PIP4K2A: variants seen among roughly 807,000 people sequenced by gnomAD.
PIP4K2A encodes the protein phosphatidylinositol-5-phosphate 4-kinase type 2 alpha, also known as phosphatidylinositol 5-phosphate 4-kinase type-2 alpha.
PIP4K2A carries 14 observed loss-of-function variants against 42.9 expected under a neutral mutation model. The ratio of observed to expected loss-of-function variants is 0.33; its 90% CI spans 0.22 to 0.51. PIP4K2A has a LOEUF of 0.51. Among genes scored for constraint, PIP4K2A ranks in the 20% least tolerant of loss-of-function variants. The pLI is 0.97. For synonymous variants in PIP4K2A, 192 were observed against 192.2 expected, an observed-to-expected ratio of 1.00 and a Z score of 0.01; for missense variants, 434 against 519.8, an observed-to-expected ratio of 0.83 and a Z score of 1.61.
intron 1 of PIP4K2A, among the ~76,000 whole-genome samples, chr10:22,698,645 A>C (rs1159349294): frequency 6.6e-6 from 1 of 152,222 alleles, no homozygotes; most frequent in African/African-American, 2.4e-5. Flanking sequence ...AACCACAATT[A>C]CTTTTGCACC....
At chr10:22,681,693 A>G (rs1460747116) in intron 1 of PIP4K2A, among the ~76,000 whole-genome samples, 1 of 152,046 alleles carries the variant, frequency 6.6e-6, no homozygotes, top group Admixed American at 6.5e-5. Context: ...AATAAAATAA[A>G]TAAAATTAAA....
intron 3 of PIP4K2A, among the ~76,000 whole-genome samples, chr10:22,596,539 A>AC (rs1311716599): frequency 6.6e-6 from 1 of 152,240 alleles, no homozygotes; most frequent in Non-Finnish European, 1.5e-5. Flanking sequence ...CTATCTACTG[A>AC]CACTGAATAA....
In PIP4K2A at chr10:22,622,253, G is replaced by A. The variant is rs188551322; in HGVS notation, c.145-12536C>T. On this transcript the variant is annotated intron_variant, in intron 1 of 9. Transcript: ENST00000376573. ...TGTGCCGGTGGCCACTCAATGCCAT[G>A]TGCTCCCAGATGCTGAGGGGCTCCA... Among the ~76,000 whole-genome samples, 8 of 152,338 alleles carry A rather than the reference G, an allele frequency of 5.3e-5. No homozygotes were observed. In the East Asian group the frequency reaches 1.5e-3, roughly 29 times the overall value.
chr10:22,688,201 A>T (rs1839798780), intron 1 of PIP4K2A, among the ~76,000 whole-genome samples: 1 of 152,192 alleles, frequency 6.6e-6, no homozygotes, highest in African/African-American at 2.4e-5. Flanking sequence ...TAAAGAAGAA[A>T]ATTTTCTGAA....
chr10:22,536,196 T>C lies in PIP4K2A; in HGVS notation c.*1005A>G, dbSNP rs1032627796. The C allele has an allele frequency of 5.0e-6, 2 of 398,338 alleles. No individual in the cohort carries two copies. The highest frequency in any genetic ancestry group is 4.1e-5 in the African/African-American group (2 of 48,634). 24.7% of individuals were successfully genotyped at this position (398,338 alleles called of 1,614,324 possible). On this transcript the variant is annotated 3_prime_UTR_variant, in exon 10 of 10. Transcript: ENST00000376573. ...AAACATAAACATCTTATAATTCAGA[T>C]CTGCATTTGGTAACAGGAGAATTGA... is the stretch of plus-strand genomic sequence containing the variant.
intron 1 of PIP4K2A, among the ~76,000 whole-genome samples, chr10:22,666,692 G>A (rs1286353638): frequency 6.6e-6 from 1 of 152,036 alleles, no homozygotes; most frequent in Non-Finnish European, 1.5e-5. Context: ...ACTGTTTCCG[G>A]CACCTACATT....
chr10:22,629,363 A>G (rs1778320), intron 1 of PIP4K2A, among the ~76,000 whole-genome samples: 4,231 of 152,312 alleles, frequency 0.028, 80 homozygotes, highest in Non-Finnish European at 0.039. Flanking sequence ...TATGATTCTA[A>G]GACAACTGCA....
chr10:22,714,340 G>T lies in PIP4K2A; in HGVS notation c.-14C>A. Reference sequence around the variant, plus strand: ...GGGGGTCGCCATGGCCGCCTCCTATGTCCCCTCCACCGCCGTGCTCCCGAG... The same window carrying T: ...GGGGGTCGCCATGGCCGCCTCCTATTTCCCCTCCACCGCCGTGCTCCCGAG... On this transcript the variant is annotated 5_prime_UTR_variant, in exon 1 of 10. Transcript: ENST00000376573. The T allele has an allele frequency of 1.3e-6, 2 of 1,586,354 alleles. No homozygotes were observed. The highest frequency in any genetic ancestry group is 8.6e-7 in the Non-Finnish European group (1 of 1,166,308).
At chr10:22,565,346 C>T (rs1320909755) in intron 6 of PIP4K2A, among the ~76,000 whole-genome samples, 2 of 152,214 alleles carry the variant, frequency 1.3e-5, no homozygotes, top group African/African-American at 2.4e-5. Flanking sequence ...GACAGAAGAA[C>T]GTGGATTGTG....
intron 4 of PIP4K2A, among the ~76,000 whole-genome samples, chr10:22,574,375 G>A (rs79132557): frequency 0.027 from 4,067 of 151,392 alleles, 79 homozygotes; most frequent in Admixed American, 0.05. Context: ...CATATTCAGA[G>A]ATGCTAATGA....
intron 1 of PIP4K2A, among the ~76,000 whole-genome samples, chr10:22,633,001 G>C (rs1158749359): frequency 6.6e-6 from 1 of 152,032 alleles, no homozygotes; most frequent in Non-Finnish European, 1.5e-5. Flanking sequence ...TTTATTTAAG[G>C]CTTAGTATAC....
At chr10:22,700,542 T>C (rs908584703) in intron 1 of PIP4K2A, among the ~76,000 whole-genome samples, 1 of 152,200 alleles carries the variant, frequency 6.6e-6, no homozygotes, top group African/African-American at 2.4e-5. Context: ...GGCACCTCTG[T>C]GCACATCAGA....
chr10:22,574,664 C>T (rs547108116), intron 4 of PIP4K2A, among the ~76,000 whole-genome samples: 1 of 152,008 alleles, frequency 6.6e-6, no homozygotes, highest in African/African-American at 2.4e-5. Flanking sequence ...TTTAAAGATG[C>T]CTCTTCCCTT....
At chr10:22,615,330 C>T (rs1838152361) in intron 1 of PIP4K2A, among the ~76,000 whole-genome samples, 1 of 152,144 alleles carries the variant, frequency 6.6e-6, no homozygotes, top group Admixed American at 6.5e-5. Flanking sequence ...CTCAACAGAT[C>T]CTCTTGCCTC....
intron 1 of PIP4K2A, among the ~76,000 whole-genome samples, chr10:22,632,631 T>C (rs1838572767): frequency 6.6e-6 from 1 of 152,204 alleles, no homozygotes; most frequent in South Asian, 2.1e-4. Flanking sequence ...ACCTCCGGTG[T>C]AGGCCACCAG....
chr10:22,558,288 A>C (rs1836601899), intron 6 of PIP4K2A, among the ~76,000 whole-genome samples: 1 of 152,266 alleles, frequency 6.6e-6, no homozygotes, highest in South Asian at 2.1e-4. Flanking sequence ...CCGTGCTTGC[A>C]AAAATCTTCA....
intron 1 of PIP4K2A, among the ~76,000 whole-genome samples, chr10:22,693,627 A>G (rs1051227433): frequency 1.3e-5 from 2 of 152,132 alleles, no homozygotes; most frequent in African/African-American, 4.8e-5. Context: ...AGAAAGTCAG[A>G]TATCAACAGA....
intron 6 of PIP4K2A, among the ~76,000 whole-genome samples, chr10:22,553,818 A>C (rs1361203561): frequency 6.7e-6 from 1 of 149,560 alleles, no homozygotes; most frequent in Non-Finnish European, 1.5e-5. Flanking sequence ...TTTTTTACAA[A>C]AACTTAACTG....
At chr10:22,627,590 A>AT (rs1564448280) in intron 1 of PIP4K2A, among the ~76,000 whole-genome samples, 21 of 79,386 alleles carry the variant, frequency 2.6e-4, no homozygotes, top group Admixed American at 3.7e-4. Context: ...CTAATATGTA[A>AT]TAAAAAAAAA....
Sources: allele counts gnomAD v4.1 joint callset (sites outside exome capture counted in the v4.1 genomes callset), GRCh38; gene constraint gnomAD v4.1.1; transcripts MANE v1.5; gene names NCBI Gene and HGNC (gene_info 2026-07-23, HGNC 2026-07-21).